Variants in DLG2 observed in about 807,000 individuals in gnomAD.
The protein encoded by DLG2 is discs large MAGUK scaffold protein 2, also known as disks large homolog 2.
Under a neutral mutation model 132.5 loss-of-function variants are expected in DLG2, and 45 were observed. That is an observed-to-expected ratio of 0.34 (90% confidence interval 0.27 to 0.44). DLG2 has a LOEUF of 0.44. DLG2 is among the 20% of genes least tolerant of loss of function. DLG2 has a pLI of 1.00. For synonymous variants in DLG2, 424 were observed against 419.6 expected, an observed-to-expected ratio of 1.01 and a Z score of -0.13; for missense variants, 1,045 against 1,196.9, an observed-to-expected ratio of 0.87 and a Z score of 1.87.
chr11:83,795,379 G>GC (rs2042527635), intron 17 of DLG2, among the ~76,000 whole-genome samples: 2 of 151,054 alleles, frequency 1.3e-5, no homozygotes, highest in Non-Finnish European at 2.9e-5. Context: ...CTGCACTCCA[G>GC]CCTGGGGGAC....
intron 6 of DLG2, among the ~76,000 whole-genome samples, chr11:84,627,884 A>G (rs1388490238): frequency 6.6e-6 from 1 of 152,042 alleles, no homozygotes; most frequent in Non-Finnish European, 1.5e-5. Flanking sequence ...CTCACTCACT[A>G]TCTCAAGGGC....
Position 83,480,626 on chromosome 11 carries a change from C to G in DLG2, c.2293+3503G>C, listed in dbSNP as rs1420577165. 1.3e-6 allele frequency: 2 copies of G among 1,556,958 alleles called. 1 individual carries two copies. The highest frequency in any genetic ancestry group is 1.7e-6 in the Non-Finnish European group (2 of 1,150,146). ...ACCCGCTGCTTGATTGCTGTTTCTT[C>G]TTTTTAGCAAATGAAGAAAGTATCT... On this transcript the variant is annotated intron_variant, in intron 22 of 27. Coordinates refer to ENST00000376104, the MANE Select transcript of DLG2 (RefSeq NM_001142699.3).
At chr11:84,971,378 A>G (rs2054078375) in intron 6 of DLG2, among the ~76,000 whole-genome samples, 2 of 152,236 alleles carry the variant, frequency 1.3e-5, no homozygotes, top group Admixed American at 1.3e-4. Context: ...AATCTGCTCT[A>G]AAATTTATGT....
At chr11:84,912,792 G>A (rs1392146172) in intron 6 of DLG2, among the ~76,000 whole-genome samples, 1 of 152,200 alleles carries the variant, frequency 6.6e-6, no homozygotes, top group East Asian at 1.9e-4. Context: ...TCTCGCAGAA[G>A]GTAATGATGG....
intron 11 of DLG2, among the ~76,000 whole-genome samples, chr11:84,054,381 A>C (rs1282210403): frequency 6.6e-6 from 1 of 151,930 alleles, no homozygotes; most frequent in Non-Finnish European, 1.5e-5. Flanking sequence ...CCTTTGCTTG[A>C]TTTTTGGTTG....
At chr11:84,626,331 A>G (rs964180914) in intron 6 of DLG2, among the ~76,000 whole-genome samples, 1 of 152,164 alleles carries the variant, frequency 6.6e-6, no homozygotes, top group Non-Finnish European at 1.5e-5. Flanking sequence ...TTCAAGACAC[A>G]ACACTCCTAA....
At chr11:83,828,089 T>G (rs2053413845) in intron 17 of DLG2, among the ~76,000 whole-genome samples, 1 of 152,146 alleles carries the variant, frequency 6.6e-6, no homozygotes, top group Admixed American at 6.5e-5. Flanking sequence ...ATAATGGAGC[T>G]TCAGGACCCT....
intron 11 of DLG2, among the ~76,000 whole-genome samples, chr11:83,994,200 A>T (rs1318203936): frequency 6.6e-6 from 1 of 152,170 alleles, no homozygotes; most frequent in Non-Finnish European, 1.5e-5. Context: ...AACATTTAAC[A>T]GCTGGTATGA....
At chr11:85,165,439 G>A (rs923365938) in intron 4 of DLG2, among the ~76,000 whole-genome samples, 2 of 152,156 alleles carry the variant, frequency 1.3e-5, no homozygotes, top group Non-Finnish European at 2.9e-5. Flanking sequence ...AAGAACAAGA[G>A]ATTCACAGCA....
chr11:84,920,076 T>C (rs2092686136), intron 6 of DLG2, among the ~76,000 whole-genome samples: 1 of 152,242 alleles, frequency 6.6e-6, no homozygotes, highest in Admixed American at 6.5e-5. Context: ...TTTTCATTCA[T>C]TTCATTTCCT....
At chr11:85,220,530 T>A (rs1278760373) in intron 4 of DLG2, among the ~76,000 whole-genome samples, 1 of 151,918 alleles carries the variant, frequency 6.6e-6, no homozygotes, top group Admixed American at 6.6e-5. Flanking sequence ...TCTTCCTCTC[T>A]CCACTACCAA....
At chr11:83,462,242 G>C in intron 26 of DLG2, 149 bp from the exon 27 acceptor site, 3 of 576,292 alleles carry the variant, frequency 5.2e-6, no homozygotes, top group Non-Finnish European at 9.3e-6. Context: ...CTCTGTGCTG[G>C]AATAATTTCA....
intron 7 of DLG2, among the ~76,000 whole-genome samples, chr11:84,533,045 C>T (rs2099346596): frequency 1.3e-5 from 2 of 151,862 alleles, no homozygotes; most frequent in South Asian, 4.1e-4. Context: ...TTTGTTTACC[C>T]TTCTGCGGAA....
intron 18 of DLG2, among the ~76,000 whole-genome samples, chr11:83,688,341 G>A (rs766085410): frequency 1.4e-4 from 21 of 152,180 alleles, no homozygotes; most frequent in Admixed American, 3.9e-4. Context: ...GGGCTTGTGC[G>A]AATGTCTGAG....
chr11:85,278,194 G>C (rs144486325), intron 4 of DLG2, among the ~76,000 whole-genome samples: 54 of 152,280 alleles, frequency 3.5e-4, no homozygotes, highest in Non-Finnish European at 6.5e-4. Flanking sequence ...ACAATTTACT[G>C]TGTATCTTTG....
chr11:84,834,710 C>T (rs1045089609), intron 6 of DLG2, among the ~76,000 whole-genome samples: 1 of 150,692 alleles, frequency 6.6e-6, no homozygotes. Flanking sequence ...ATTACCATAA[C>T]TTCATAGGAG....
chr11:84,815,468 C>A (rs906900965), intron 6 of DLG2, among the ~76,000 whole-genome samples: 4 of 152,016 alleles, frequency 2.6e-5, no homozygotes, highest in Admixed American at 6.6e-5. Flanking sequence ...CCTGCTGCAT[C>A]ACCGAAGCTA....
intron 6 of DLG2, among the ~76,000 whole-genome samples, chr11:84,586,646 T>A (rs965819447): frequency 2.0e-5 from 3 of 152,150 alleles, no homozygotes; most frequent in Non-Finnish European, 4.4e-5. Flanking sequence ...TTTTTCTATA[T>A]TATTTTTTGT....
chr11:83,942,211 T>C (rs1174426973), intron 14 of DLG2, among the ~76,000 whole-genome samples: 1 of 152,164 alleles, frequency 6.6e-6, no homozygotes, highest in African/African-American at 2.4e-5. Context: ...CACAAGATAT[T>C]ATTAAGTGAA....
Sources: gnomAD v4.1 joint callset for allele counts (sites outside exome capture counted in the v4.1 genomes callset) on GRCh38, gnomAD v4.1.1 for gene constraint, MANE v1.5 for transcripts, NCBI Gene and HGNC (gene_info 2026-07-23, HGNC 2026-07-21) for gene names.